GABRB2: variants seen among roughly 807,000 people sequenced by gnomAD.
The protein encoded by GABRB2 is gamma-aminobutyric acid receptor subunit beta-2.
A neutral mutation model predicts 54.7 loss-of-function variants in GABRB2; 16 were observed. The observed-to-expected ratio is 0.29, with a 90% CI of 0.20 to 0.44. The LOEUF is 0.44. Ranked by LOEUF, GABRB2 falls within the 20% of genes least tolerant of loss-of-function variation. GABRB2 has a pLI of 1.00. For synonymous variants in GABRB2, 244 were observed against 233.8 expected (o/e 1.04, Z -0.40); for missense variants, 355 against 644.0 (o/e 0.55, Z 4.86).
chr5:161,379,261 G>T, intron 5 of GABRB2, among the ~76,000 whole-genome samples: 1 of 152,078 alleles, frequency 6.6e-6, no homozygotes, highest in East Asian at 1.9e-4. Context: ...GCCAACAAAA[G>T]CAAAAGCAAC....
chr5:161,310,730 A>G (rs1283535209), intron 9 of GABRB2, among the ~76,000 whole-genome samples: 1 of 152,202 alleles, frequency 6.6e-6, no homozygotes, highest in East Asian at 1.9e-4. Context: ...AAAAAATAAA[A>G]AACTTCAAAG....
chr5:161,503,675 C>G (rs1421115813), intron 3 of GABRB2, among the ~76,000 whole-genome samples: 1 of 147,398 alleles, frequency 6.8e-6, no homozygotes, highest in African/African-American at 2.5e-5. Flanking sequence ...CGCCATTGCA[C>G]TCCCACCAGG....
chr5:161,514,154 T>G (rs764294160), intron 3 of GABRB2, among the ~76,000 whole-genome samples: 2 of 152,124 alleles, frequency 1.3e-5, no homozygotes, highest in African/African-American at 2.4e-5. Flanking sequence ...ACCTGACACT[T>G]TTGCTTAAAT....
chr5:161,394,421 T>C (rs903317201), intron 5 of GABRB2, among the ~76,000 whole-genome samples: 5 of 151,990 alleles, frequency 3.3e-5, no homozygotes, highest in African/African-American at 9.7e-5. Context: ...CAGAAGATGA[T>C]TCTTTGAAAA....
intron 3 of GABRB2, among the ~76,000 whole-genome samples, chr5:161,472,384 C>T (rs1319947999): frequency 6.6e-6 from 1 of 151,630 alleles, no homozygotes; most frequent in Non-Finnish European, 1.5e-5. Flanking sequence ...AACATTGCTT[C>T]TATTACCCTC....
In GABRB2 at chr5:161,304,006, G is replaced by A. The variant is rs111986446; in HGVS notation, c.1192-9578C>T. 3.0e-3 allele frequency among the ~76,000 whole-genome samples: 464 copies of A among 152,186 alleles called. 2 individuals are homozygous for A. The highest frequency in any genetic ancestry group is 5.2e-3 in the Non-Finnish European group (352 of 68,018). ...AGTATCCCTAAAGCTGACCATTACC[G>A]TTGGTACAAAGTAAGTATTCCAAAC... is the stretch of plus-strand genomic sequence containing the variant. On this transcript the variant is annotated intron_variant, in intron 9 of 9. Transcript: ENST00000393959.
chr5:161,479,053 C>T (rs957719448), intron 3 of GABRB2, among the ~76,000 whole-genome samples: 1 of 152,000 alleles, frequency 6.6e-6, no homozygotes, highest in Admixed American at 6.6e-5. Context: ...AATTTGCAGA[C>T]CCAGGCTGGT....
intron 5 of GABRB2, among the ~76,000 whole-genome samples, chr5:161,396,219 T>C (rs1333132736): frequency 6.6e-6 from 1 of 152,158 alleles, no homozygotes; most frequent in Non-Finnish European, 1.5e-5. Flanking sequence ...AAAGCCACAC[T>C]GAGCCCAAGT....
At position 161,366,032 on chromosome 5, in the gene GABRB2, C is replaced by A. The variant is rs970686523; in HGVS notation, c.542-29263G>T. 3.3e-5 allele frequency among the ~76,000 whole-genome samples: 5 copies of A among 150,110 alleles called. No individual in the cohort carries two copies. In the South Asian group the frequency reaches 1.1e-3, roughly 32 times the overall value. ...ATTTACTTCAATTGTTCAATGAATT[C>A]GCATGAAAAGTTGTCAAGTTATCTA... On this transcript the variant is annotated intron_variant, in intron 5 of 9. Coordinates refer to ENST00000393959, the MANE Select transcript of GABRB2 (RefSeq NM_001371727.1).
intron 4 of GABRB2, among the ~76,000 whole-genome samples, chr5:161,453,806 G>A (rs1006597200): frequency 1.3e-5 from 2 of 152,046 alleles, no homozygotes; most frequent in Non-Finnish European, 2.9e-5. Context: ...GGAGGTCGGG[G>A]TGGGCAGATC....
At position 161,459,710 on chromosome 5, in the gene GABRB2, G is replaced by A. The variant is rs138299514; in HGVS notation, c.372C>T (p.Asn124=). The change falls in exon 4 of 10, where the codon AAC becomes AAT. Residue 124 remains asparagine, a synonymous_variant. Transcript: ENST00000393959. ...QLWVPDTYFL[N]DKKSFVHGVT... ...CTCCGTGCACAAATGACTTCTTATCGTTCAGGAAATAGGTATCAGGCACCC... is the reference window on the plus strand; with the variant it reads ...CTCCGTGCACAAATGACTTCTTATCATTCAGGAAATAGGTATCAGGCACCC... The A allele has an allele frequency of 3.7e-5, 59 of 1,613,980 alleles. No individual in the cohort carries two copies. In the Middle Eastern group the frequency reaches 4.9e-4, roughly 13 times the overall value.
chr5:161,445,768 C>T (rs961362693), intron 4 of GABRB2, among the ~76,000 whole-genome samples: 1 of 152,050 alleles, frequency 6.6e-6, no homozygotes, highest in African/African-American at 2.4e-5. Flanking sequence ...CTCCCGCTGC[C>T]CCACCCTTCT....
intron 4 of GABRB2, among the ~76,000 whole-genome samples, chr5:161,423,637 T>C (rs1161676879): frequency 6.6e-6 from 1 of 152,130 alleles, no homozygotes; most frequent in African/African-American, 2.4e-5. Context: ...CCTATCTCTC[T>C]CTCTCTCCTC....
At chr5:161,361,547 T>C (rs945953932) in intron 5 of GABRB2, among the ~76,000 whole-genome samples, 9 of 152,118 alleles carry the variant, frequency 5.9e-5, no homozygotes, top group Admixed American at 4.6e-4. Context: ...TCTATTTCTG[T>C]ATATGGTTGA....
chr5:161,366,045 G>A (rs1216343535), intron 5 of GABRB2, among the ~76,000 whole-genome samples: 1 of 150,070 alleles, frequency 6.7e-6, no homozygotes. Flanking sequence ...ATGAAAAGTT[G>A]TCAAGTTATC....
intron 9 of GABRB2, 116 bp from the exon 10 acceptor site, chr5:161,294,544 C>A: frequency 1.2e-6 from 1 of 800,460 alleles, no homozygotes; most frequent in East Asian, 2.6e-5. Flanking sequence ...AAGAGAGCTA[C>A]CTTTGCGATT....
chr5:161,363,002 A>C (rs1425214402), intron 5 of GABRB2, among the ~76,000 whole-genome samples: 1 of 152,168 alleles, frequency 6.6e-6, no homozygotes, highest in African/African-American at 2.4e-5. Flanking sequence ...CAGAAATACC[A>C]TTTGACCCAG....
chr5:161,495,443 G>GA (rs1450131515), intron 3 of GABRB2, among the ~76,000 whole-genome samples: 2 of 151,764 alleles, frequency 1.3e-5, no homozygotes, highest in African/African-American at 4.8e-5. Context: ...TAGACCTTAT[G>GA]AAAAAATCCT....
intron 3 of GABRB2, among the ~76,000 whole-genome samples, chr5:161,483,813 C>A (rs1359983814): frequency 6.6e-6 from 1 of 151,742 alleles, no homozygotes; most frequent in East Asian, 1.9e-4. Context: ...TTTTTCCAAC[C>A]TTCCCCTTTA....
Sources: gnomAD v4.1 joint callset for allele counts (sites outside exome capture counted in the v4.1 genomes callset) on GRCh38, gnomAD v4.1.1 for gene constraint, MANE v1.5 for transcripts, NCBI Gene and HGNC (gene_info 2026-07-23, HGNC 2026-07-21) for gene names.